The following HECTD4 variants were observed in gnomAD, a reference collection of about 807,000 sequenced individuals.
HECTD4 encodes probable E3 ubiquitin-protein ligase HECTD4.
A neutral mutation model predicts 471.5 loss-of-function variants in HECTD4; 114 were observed. That is an observed-to-expected ratio of 0.24 (90% CI 0.21 to 0.28). HECTD4 has a LOEUF of 0.28. HECTD4 is among the 10% of genes least tolerant of loss of function. The pLI, the probability that HECTD4 is intolerant of heterozygous loss-of-function variation, is 1.00. For missense variants in HECTD4, 3,866 were observed against 5,651.5 expected, an observed-to-expected ratio of 0.68 and a Z score of 10.13; for synonymous variants, 2,012 against 2,256.0, an observed-to-expected ratio of 0.89 and a Z score of 3.07.
In HECTD4 at chr12:112,193,339, G is replaced by T. The variant is rs914269047; in HGVS notation, c.8955+130C>A. 1.3e-5 allele frequency: 17 copies of T among 1,349,932 alleles called. No homozygotes were observed. The African/African-American group carries it at 2.3e-4, about 19-fold the overall frequency. The allele number at this position is 1,349,932 out of a possible 1,614,324, so 83.6% of individuals were successfully genotyped here. On this transcript the variant is annotated intron_variant, in intron 57 of 75. Coordinates refer to ENST00000682272, the MANE Select transcript of HECTD4 (RefSeq NM_001388303.1). This position sits in a 1 kb window ranked among gnomAD's most constrained non-coding sequence, Gnocchi z 5.2. ...GCTACAGATGAGATAAAGCAGAAAAGCTTCTAGGAAAAGGAAATCGAGAGG... is the reference window on the plus strand; with the variant it reads ...GCTACAGATGAGATAAAGCAGAAAATCTTCTAGGAAAAGGAAATCGAGAGG...
chr12:112,362,984 G>A (rs368645353), intron 1 of HECTD4, among the ~76,000 whole-genome samples: 2 of 152,298 alleles, frequency 1.3e-5, no homozygotes, highest in Admixed American at 6.5e-5. Flanking sequence ...TTACAGGCAT[G>A]AGCCACTGCG....
chr12:112,305,587 A>C (rs2035255818), intron 7 of HECTD4, among the ~76,000 whole-genome samples: 1 of 152,078 alleles, frequency 6.6e-6, no homozygotes, highest in South Asian at 2.1e-4. Flanking sequence ...TACACATCAC[A>C]TTTGGGCAAG....
intron 70 of HECTD4, among the ~76,000 whole-genome samples, chr12:112,168,913 C>G (rs1226762285): frequency 6.6e-6 from 1 of 152,214 alleles, no homozygotes; most frequent in Non-Finnish European, 1.5e-5. Context: ...GGTCCCCCGT[C>G]TGGGAGGCAG....
intron 61 of HECTD4, 110 bp from the exon 62 acceptor site, chr12:112,183,376 G>C: frequency 1.2e-6 from 1 of 866,346 alleles, no homozygotes; most frequent in South Asian, 1.6e-5. Context: ...CATCTGCAGA[G>C]ATGTGAAAGC....
intron 4 of HECTD4, 79 bp from the exon 5 acceptor site, chr12:112,309,748 A>T: frequency 1.5e-6 from 1 of 656,736 alleles, no homozygotes; most frequent in East Asian, 2.9e-5. Context: ...CTAATGAAAA[A>T]GCCATTAGGA....
chr12:112,285,962 C>G (rs1269809195), intron 7 of HECTD4, among the ~76,000 whole-genome samples: 1 of 152,070 alleles, frequency 6.6e-6, no homozygotes, highest in Non-Finnish European at 1.5e-5. Context: ...AAAAATCAAT[C>G]ACTTTAAGCT....
chr12:112,269,682 A>G (rs2034373082), intron 13 of HECTD4, 22 bp downstream of exon 13: 2 of 1,613,044 alleles, frequency 1.2e-6, no homozygotes, highest in South Asian at 2.2e-5. Context: ...AGAGAGCACT[A>G]CAAAAATCAT....
At chr12:112,355,941 A>T (rs2036329553) in intron 1 of HECTD4, among the ~76,000 whole-genome samples, 1 of 152,194 alleles carries the variant, frequency 6.6e-6, no homozygotes, top group Non-Finnish European at 1.5e-5. Flanking sequence ...ATTTGCCAAA[A>T]TGAAATCTAG....
At position 112,194,202 on chromosome 12, in the gene HECTD4, G is replaced by A. The variant is rs1385941674; in HGVS notation, c.8750-528C>T. On this transcript the variant is annotated intron_variant, in intron 56 of 75. Transcript: ENST00000682272. The surrounding 1 kb of genome is among the most constrained non-coding windows in gnomAD (Gnocchi z 4.6). ...GATGTAGTGCACACATACCCTGGCTGGGTGGGACCCCACAGTTGTGAGCTG... is the reference window on the plus strand; with the variant it reads ...GATGTAGTGCACACATACCCTGGCTAGGTGGGACCCCACAGTTGTGAGCTG... Among the ~76,000 whole-genome samples, 2 of 152,236 alleles carry A rather than the reference G, an allele frequency of 1.3e-5. No homozygotes were observed. Among genetic ancestry groups the A allele is most frequent in the Admixed American group, 1.3e-4 (2 of 15,286 alleles).
chr12:112,256,557 A>G, intron 20 of HECTD4, 39 bp from the exon 21 acceptor site: 1 of 1,387,158 alleles, frequency 7.2e-7, no homozygotes, highest in Non-Finnish European at 9.6e-7. Context: ...CTTAGCAGCC[A>G]AGGAAAGGAA....
At chr12:112,340,708 T>C (rs1158721040) in intron 1 of HECTD4, among the ~76,000 whole-genome samples, 1 of 152,192 alleles carries the variant, frequency 6.6e-6, no homozygotes, top group East Asian at 1.9e-4. Context: ...ACTATTGCCA[T>C]ATGACATTAA....
intron 44 of HECTD4, among the ~76,000 whole-genome samples, chr12:112,225,970 A>G (rs949807409): frequency 6.6e-6 from 1 of 152,210 alleles, no homozygotes; most frequent in African/African-American, 2.4e-5. Flanking sequence ...AATAATTTAG[A>G]TAGGTGATAA....
rs564626624 is a variant in HECTD4, at chr12:112,313,174, A to G, written c.786-27T>C. On this transcript the variant is annotated intron_variant, in intron 3 of 75. Transcript: ENST00000682272. ...TATATGGGGGAGAAAGAAAATCACAAAGACACTGAGACAATCCATTTCAGC... is the reference window on the plus strand; with the variant it reads ...TATATGGGGGAGAAAGAAAATCACAGAGACACTGAGACAATCCATTTCAGC... 105 of 1,527,580 alleles carry G rather than the reference A, an allele frequency of 6.9e-5. 1 individual carries two copies. In the African/African-American group the frequency reaches 1.2e-3, roughly 18 times the overall value. The allele number at this position is 1,527,580 out of a possible 1,614,324, so 94.6% of individuals were successfully genotyped here.
At chr12:112,310,745 T>G (rs1436469382) in intron 4 of HECTD4, among the ~76,000 whole-genome samples, 1 of 152,200 alleles carries the variant, frequency 6.6e-6, no homozygotes, top group African/African-American at 2.4e-5. Context: ...ATTTCACACC[T>G]TAAACATTTT....
At chr12:112,203,479 A>C in intron 54 of HECTD4, 157 bp downstream of exon 54, 1 of 582,962 alleles carries the variant, frequency 1.7e-6, no homozygotes, top group Non-Finnish European at 2.9e-6. Flanking sequence ...AGCTCAGGCA[A>C]GTCAATTGGC....
intron 1 of HECTD4, among the ~76,000 whole-genome samples, chr12:112,365,915 T>G (rs2036548619): frequency 6.6e-6 from 1 of 151,644 alleles, no homozygotes; most frequent in Admixed American, 6.6e-5. Flanking sequence ...ACCTGGGACT[T>G]GGGTGTATAC....
At position 112,167,378 on chromosome 12, in the gene HECTD4, G is replaced by C; in HGVS notation, c.12473C>G (p.Pro4158Arg). ...WKTLVGEPLD[P>R]EQDLQEADIL... ...ATCCGCTTCCTGCAGGTCTTGCTCA[G>C]GGTCCAAGGGCTCGCCCACCAGCGT... is the stretch of plus-strand genomic sequence containing the variant. Residue 4158 changes from proline to arginine, a missense_variant, in exon 72 of 76, where the codon CCT becomes CGT. Physicochemically the swap from Pro to Arg is moderately radical, Grantham distance 103. Around this residue, in one of 16 missense-constraint regions of HECTD4, gnomAD observed 715 missense variants for 1,087.6 expected, o/e 0.66. Coordinates refer to ENST00000682272, the MANE Select transcript of HECTD4 (RefSeq NM_001388303.1). 6.2e-7 allele frequency: 1 copy of C among 1,613,858 alleles called. No homozygotes were observed. Among genetic ancestry groups the C allele is most frequent in the East Asian group, 2.2e-5 (1 of 44,876 alleles).
In HECTD4 at chr12:112,179,397, C is replaced by T. The variant is rs773797082; in HGVS notation, c.10988G>A (p.Gly3663Glu). 37 of 1,608,582 alleles carry T rather than the reference C, an allele frequency of 2.3e-5. No homozygotes were observed. Among genetic ancestry groups the T allele is most frequent in the Non-Finnish European group, 3.1e-5 (36 of 1,177,542 alleles). Reference protein sequence around the residue: ...EDYFNDKSIKGEKLVPGAREV... With the variant: ...EDYFNDKSIKEEKLVPGAREV... ...TCTGGCTCCGGGCACCAGCTTCTCC[C>T]CTGTTGGATGGAGAGGGGGCAAAAC... The change falls in exon 63 of 76, where the codon GGG becomes GAG. Residue 3663 changes from glycine to glutamate, a missense_variant and splice_region_variant. Coordinates refer to ENST00000682272, the MANE Select transcript of HECTD4 (RefSeq NM_001388303.1). The surrounding 1 kb of genome is among the most constrained non-coding windows in gnomAD (Gnocchi z 4.3).
rs547082029 is a variant in HECTD4, at chr12:112,194,972, G to A, written c.8662C>T (p.Arg2888Cys). Residue 2888 changes from arginine to cysteine, a missense_variant, in exon 56 of 76, where the codon CGC becomes TGC. Physicochemically the swap from Arg to Cys is radical, Grantham distance 180. Around this residue, in one of 16 missense-constraint regions of HECTD4, gnomAD observed 266 missense variants for 441.6 expected, o/e 0.60. Coordinates refer to ENST00000682272, the MANE Select transcript of HECTD4 (RefSeq NM_001388303.1). The surrounding 1 kb of genome is among the most constrained non-coding windows in gnomAD (Gnocchi z 4.6). ...CGGATGGCAGGGATGTGGAAGAGGC[G>A]AGTGAACAAGTGAGGCAACTTCGGG... Reference protein sequence around the residue: ...FAPKLPHLFTRLFHIPAIRDI... With the variant: ...FAPKLPHLFTCLFHIPAIRDI... 1.8e-5 allele frequency: 29 copies of A among 1,611,168 alleles called. No homozygotes were observed. Among genetic ancestry groups the A allele is most frequent in the South Asian group, 1.1e-4 (10 of 90,260 alleles).
Sources: gnomAD v4.1 joint callset for allele counts (sites outside exome capture counted in the v4.1 genomes callset) on GRCh38, gnomAD v4.1.1 for gene constraint, gnomAD v4.1.1 regional missense constraint, Gnocchi (gnomAD v3.1) non-coding constraint, MANE v1.5 for transcripts, NCBI Gene and HGNC (gene_info 2026-07-23, HGNC 2026-07-21) for gene names.